The following HIVEP3 variants were observed in gnomAD, a reference collection of about 807,000 sequenced individuals.
HIVEP3 encodes the protein HIVEP zinc finger 3, also known as transcription factor HIVEP3.
A neutral mutation model predicts 152.8 loss-of-function variants in HIVEP3; 49 were observed. The observed-to-expected ratio is 0.32, with a 90% CI of 0.26 to 0.41. The LOEUF (loss-of-function observed/expected upper bound fraction) is 0.41, where lower values mean the gene tolerates loss of function less well. HIVEP3 is among the 10% of genes least tolerant of loss of function. The pLI is 1.00. For synonymous variants in HIVEP3, 1,269 were observed against 1,289.0 expected, an observed-to-expected ratio of 0.98 and a Z score of 0.33; for missense variants, 2,790 against 3,103.3, an observed-to-expected ratio of 0.90 and a Z score of 2.40.
chr1:41,991,665 T>A (rs1029221251), intron 1 of HIVEP3, among the ~76,000 whole-genome samples: 15 of 152,010 alleles, frequency 9.9e-5, no homozygotes, highest in African/African-American at 3.6e-4. Context: ...AGCATCATTC[T>A]GATACCAAAG....
intron 5 of HIVEP3, among the ~76,000 whole-genome samples, chr1:41,565,184 G>A (rs1000342690): frequency 6.6e-6 from 1 of 152,188 alleles, no homozygotes; most frequent in African/African-American, 2.4e-5. Flanking sequence ...TTATGGCTTG[G>A]CTGTGAATTA....
At chr1:41,528,732 TCA>T (rs1434097787) in intron 5 of HIVEP3, among the ~76,000 whole-genome samples, 2 of 87,888 alleles carry the variant, frequency 2.3e-5, no homozygotes, top group African/African-American at 9.2e-5. Context: ...ACACTCATCC[TCA>T]CACACCCTCA....
At chr1:41,955,284 G>A (rs1337517377) in intron 1 of HIVEP3, among the ~76,000 whole-genome samples, 3 of 151,928 alleles carry the variant, frequency 2.0e-5, no homozygotes, top group African/African-American at 7.3e-5. Context: ...GAAAAATTGT[G>A]ATGGAAAAAA....
chr1:41,775,933 T>C (rs1648679706), intron 1 of HIVEP3, among the ~76,000 whole-genome samples: 1 of 152,220 alleles, frequency 6.6e-6, no homozygotes, highest in African/African-American at 2.4e-5. Flanking sequence ...TTCTGCCTAG[T>C]CAGTTATGTG....
intron 1 of HIVEP3, among the ~76,000 whole-genome samples, chr1:42,001,267 T>C (rs954569486): frequency 1.3e-5 from 2 of 152,216 alleles, no homozygotes. Context: ...GACACTGAAC[T>C]GTCAGCTCAG....
chr1:41,521,232 G>C (rs1642751627), intron 6 of HIVEP3, among the ~76,000 whole-genome samples: 1 of 152,208 alleles, frequency 6.6e-6, no homozygotes, highest in Non-Finnish European at 1.5e-5. Context: ...GCAGAGAACA[G>C]ACCCCTGTCC....
At chr1:41,560,571 C>T (rs564041457) in intron 5 of HIVEP3, among the ~76,000 whole-genome samples, 27 of 152,324 alleles carry the variant, frequency 1.8e-4, no homozygotes, top group East Asian at 5.8e-4. Context: ...CCTTGGGATG[C>T]GGCCAGGCTG....
chr1:41,846,021 G>A (rs915371473), intron 1 of HIVEP3, among the ~76,000 whole-genome samples: 7 of 152,158 alleles, frequency 4.6e-5, no homozygotes, highest in South Asian at 2.1e-4. Context: ...CCAAGATTGC[G>A]CCGCTGCATT....
At chr1:41,837,138 G>T (rs528291266) in intron 1 of HIVEP3, among the ~76,000 whole-genome samples, 1 of 152,096 alleles carries the variant, frequency 6.6e-6, no homozygotes, top group Non-Finnish European at 1.5e-5. Flanking sequence ...GCTTATTCCT[G>T]TCTCAGGAAA....
chr1:41,846,841 T>A (rs946737785), intron 1 of HIVEP3, among the ~76,000 whole-genome samples: 1 of 152,206 alleles, frequency 6.6e-6, no homozygotes, highest in South Asian at 2.1e-4. Flanking sequence ...AATGAAAGAA[T>A]GAACAAATGA....
intron 1 of HIVEP3, among the ~76,000 whole-genome samples, chr1:41,797,063 T>A (rs1206150805): frequency 6.6e-6 from 1 of 152,196 alleles, no homozygotes; most frequent in Non-Finnish European, 1.5e-5. Flanking sequence ...GCCCCTTTCT[T>A]TCTCACTCAG....
intron 2 of HIVEP3, among the ~76,000 whole-genome samples, chr1:41,663,328 T>C (rs1372151013): frequency 6.6e-6 from 1 of 151,502 alleles, no homozygotes; most frequent in Non-Finnish European, 1.5e-5. Flanking sequence ...GGGTGTAGAG[T>C]GGGGTTAAGC....
intron 1 of HIVEP3, among the ~76,000 whole-genome samples, chr1:41,927,121 G>A (rs568537489): frequency 1.3e-5 from 2 of 152,370 alleles, no homozygotes; most frequent in South Asian, 4.1e-4. Flanking sequence ...ATTAAGCAAA[G>A]TGATTGGAGT....
rs537546240 is a variant in HIVEP3, at chr1:41,635,626, G to A, written c.-720-6679C>T. Among the ~76,000 whole-genome samples, 433 of 64,102 alleles carry A rather than the reference G, an allele frequency of 6.8e-3. 36 individuals carry two copies. The highest frequency in any genetic ancestry group is 0.035 in the African/African-American group (404 of 11,506). 42.1% of individuals were successfully genotyped at this position (64,102 alleles called of 152,430 possible). A position where few individuals can be genotyped will look rare whatever the true frequency, so the allele number is the denominator to read the frequency against. ...TGTATATATACATACATATACATACGTATGTATATATACATACATATACAT... is the reference window on the plus strand; with the variant it reads ...TGTATATATACATACATATACATACATATGTATATATACATACATATACAT... On this transcript the variant is annotated intron_variant, in intron 2 of 8. Transcript: ENST00000372583.
rs1159007013 is a variant in HIVEP3, at chr1:41,680,226, C to G, written c.-721+20690G>C. 3.9e-5 allele frequency among the ~76,000 whole-genome samples: 6 copies of G among 152,220 alleles called. No homozygotes were observed. The South Asian group carries it at 1.2e-3, about 31-fold the overall frequency. ...AGGCCTGACATTGGGCCACTCCTCT[C>G]AGGCCAAGCAGCTGAGACCCCTGGG... On this transcript the variant is annotated intron_variant, in intron 2 of 8. Coordinates refer to ENST00000372583, the MANE Select transcript of HIVEP3 (RefSeq NM_024503.5).
At chr1:41,802,632 G>A (rs1290901247) in intron 1 of HIVEP3, among the ~76,000 whole-genome samples, 1 of 152,064 alleles carries the variant, frequency 6.6e-6, no homozygotes, top group Non-Finnish European at 1.5e-5. Context: ...AACATCCTGA[G>A]CAAATGATTC....
chr1:41,825,797 G>A (rs993236824), intron 1 of HIVEP3, among the ~76,000 whole-genome samples: 6 of 151,488 alleles, frequency 4.0e-5, no homozygotes, highest in East Asian at 2.0e-4. Context: ...TTGTAGAGAC[G>A]GGGTCTCTCC....
chr1:41,619,014 C>T (rs1348212970), intron 3 of HIVEP3, among the ~76,000 whole-genome samples: 4 of 152,166 alleles, frequency 2.6e-5, no homozygotes, highest in Admixed American at 6.5e-5. Flanking sequence ...CTGCTGCCCC[C>T]GCCCCCTCCA....
At chr1:41,856,204 C>T (rs1643761337) in intron 1 of HIVEP3, among the ~76,000 whole-genome samples, 1 of 152,170 alleles carries the variant, frequency 6.6e-6, no homozygotes, top group Non-Finnish European at 1.5e-5. Context: ...TTTAAGACAC[C>T]ATGTTGCAAG....
Sources: allele counts gnomAD v4.1 joint callset (sites outside exome capture counted in the v4.1 genomes callset), GRCh38; gene constraint gnomAD v4.1.1; transcripts MANE v1.5; gene names NCBI Gene and HGNC (gene_info 2026-07-23, HGNC 2026-07-21).